Variants in GALNT17 observed in about 807,000 individuals in gnomAD.
GALNT17 encodes the protein UDP-GalNAc:polypeptide N-acetylgalactosaminyltransferase-like 3.
A neutral mutation model predicts 63.7 loss-of-function variants in GALNT17; 29 were observed. That is an observed-to-expected ratio of 0.46 (90% CI 0.34 to 0.62). GALNT17 has a LOEUF of 0.62. Among genes scored for constraint, GALNT17 ranks in the 20% least tolerant of loss-of-function variants. The pLI is 0.01. For synonymous variants in GALNT17, 305 were observed against 318.3 expected, an observed-to-expected ratio of 0.96 and a Z score of 0.45; for missense variants, 603 against 799.6, an observed-to-expected ratio of 0.75 and a Z score of 2.97.
chr7:71,143,720 G>A (rs1192087857), intron 1 of GALNT17, among the ~76,000 whole-genome samples: 1 of 152,022 alleles, frequency 6.6e-6, no homozygotes, highest in Non-Finnish European at 1.5e-5. Flanking sequence ...TATTGCATCT[G>A]GGGATGATTG....
At chr7:71,564,384 T>C (rs1004311362) in intron 5 of GALNT17, among the ~76,000 whole-genome samples, 2 of 150,842 alleles carry the variant, frequency 1.3e-5, no homozygotes, top group African/African-American at 4.9e-5. Flanking sequence ...CCTCCCAGGT[T>C]CAAGTGATTT....
rs191655062 is a variant in GALNT17, at chr7:71,485,563, G to T, written c.962+64458G>T. Among the ~76,000 whole-genome samples, 62 of 152,312 alleles carry T rather than the reference G, an allele frequency of 4.1e-4. No homozygotes were observed. The Middle Eastern group carries it at 0.01, about 25-fold the overall frequency. On this transcript the variant is annotated intron_variant, in intron 5 of 10. Transcript: ENST00000333538. ...TTGACCTGTGGTGCCATCACTGAGAGATCACCTGGCCACCTTTCACCCAGA... is the reference window on the plus strand; with the variant it reads ...TTGACCTGTGGTGCCATCACTGAGATATCACCTGGCCACCTTTCACCCAGA...
At chr7:71,456,326 TGTTA>T (rs1787355612) in intron 5 of GALNT17, among the ~76,000 whole-genome samples, 1 of 152,172 alleles carries the variant, frequency 6.6e-6, no homozygotes, top group African/African-American at 2.4e-5. Flanking sequence ...GTCAGTGAAT[TGTTA>T]GTTCTTTTTT....
chr7:71,520,570 A>G (rs1171592751), intron 5 of GALNT17, among the ~76,000 whole-genome samples: 2 of 152,062 alleles, frequency 1.3e-5, no homozygotes, highest in Non-Finnish European at 2.9e-5. Flanking sequence ...CTGGGCAGAG[A>G]GACCAGCATG....
intron 5 of GALNT17, among the ~76,000 whole-genome samples, chr7:71,517,769 C>T (rs1788467767): frequency 6.6e-6 from 1 of 152,062 alleles, no homozygotes; most frequent in Non-Finnish European, 1.5e-5. Context: ...ACCTTTTTTC[C>T]ATGGCACTTA....
At chr7:71,493,295 G>A (rs1788039941) in intron 5 of GALNT17, among the ~76,000 whole-genome samples, 1 of 152,166 alleles carries the variant, frequency 6.6e-6, no homozygotes, top group South Asian at 2.1e-4. Flanking sequence ...TTATCTGGAT[G>A]TTCTTGACTG....
At chr7:71,284,875 G>T (rs1307589384) in intron 1 of GALNT17, among the ~76,000 whole-genome samples, 2 of 151,250 alleles carry the variant, frequency 1.3e-5, no homozygotes, top group Non-Finnish European at 2.9e-5. Context: ...GTGAAAGGAA[G>T]TTCTGAGCTT....
intron 6 of GALNT17, among the ~76,000 whole-genome samples, chr7:71,637,790 T>A (rs545930079): frequency 6.6e-6 from 1 of 152,240 alleles, no homozygotes; most frequent in Admixed American, 6.5e-5. Flanking sequence ...TCTGGTGAAG[T>A]GAGCAGTGCT....
At chr7:71,248,653 A>G (rs890814983) in intron 1 of GALNT17, among the ~76,000 whole-genome samples, 10 of 152,166 alleles carry the variant, frequency 6.6e-5, no homozygotes, top group African/African-American at 1.9e-4. Context: ...AGCTTTGTCA[A>G]TGAATGGCTT....
intron 6 of GALNT17, among the ~76,000 whole-genome samples, chr7:71,647,480 C>T (rs1424511029): frequency 1.3e-5 from 2 of 152,156 alleles, no homozygotes; most frequent in Non-Finnish European, 2.9e-5. Flanking sequence ...TGAGTGACAG[C>T]TTCTCCTGTC....
chr7:71,174,293 G>A (rs1562885845), intron 1 of GALNT17, among the ~76,000 whole-genome samples: 1 of 152,150 alleles, frequency 6.6e-6, no homozygotes, highest in Non-Finnish European at 1.5e-5. Context: ...AAAGAAGCCG[G>A]GGGGAGTTCC....
intron 3 of GALNT17, among the ~76,000 whole-genome samples, chr7:71,396,874 A>G (rs1472676331): frequency 2.0e-5 from 3 of 152,204 alleles, no homozygotes; most frequent in East Asian, 1.9e-4. Context: ...TTTTAATACT[A>G]TTATAAATTG....
Position 71,166,906 on chromosome 7 carries a change from A to T in GALNT17, c.238+33866A>T, listed in dbSNP as rs1471736005. Among the ~76,000 whole-genome samples the T allele has an allele frequency of 3.3e-5, 5 of 151,984 alleles. 1 individual carries two copies. In the East Asian group the frequency reaches 5.8e-4, roughly 18 times the overall value. ...AAGTGTGTATTTAACTGTTTTTTTT[A>T]AAAGACAAAGTTTTGTTATGTCACT... On this transcript the variant is annotated intron_variant, in intron 1 of 10. Transcript: ENST00000333538.
chr7:71,495,142 G>GTGCTA (rs1228592150), intron 5 of GALNT17, among the ~76,000 whole-genome samples: 2 of 152,102 alleles, frequency 1.3e-5, no homozygotes, highest in Non-Finnish European at 2.9e-5. Context: ...TGGGCATGGT[G>GTGCTA]GTGCACACCT....
At chr7:71,593,898 A>G (rs758840130) in intron 6 of GALNT17, among the ~76,000 whole-genome samples, 1 of 152,108 alleles carries the variant, frequency 6.6e-6, no homozygotes, top group Non-Finnish European at 1.5e-5. Context: ...CTTTTTCTAA[A>G]CTTTCTGGGG....
intron 5 of GALNT17, among the ~76,000 whole-genome samples, chr7:71,552,920 A>C (rs1215057601): frequency 1.3e-5 from 2 of 152,184 alleles, no homozygotes; most frequent in Non-Finnish European, 2.9e-5. Context: ...ACACACCTCA[A>C]GGTAGAAGGA....
intron 2 of GALNT17, among the ~76,000 whole-genome samples, chr7:71,339,317 C>T (rs1583873372): frequency 6.6e-6 from 1 of 152,198 alleles, no homozygotes; most frequent in Non-Finnish European, 1.5e-5. Flanking sequence ...TAGAGATTCA[C>T]ACAGCATGTG....
intron 1 of GALNT17, among the ~76,000 whole-genome samples, chr7:71,235,491 T>C (rs2116455069): frequency 6.6e-6 from 1 of 152,274 alleles, no homozygotes; most frequent in South Asian, 2.1e-4. Flanking sequence ...TGTCCAGTGT[T>C]GCAAGGGGGA....
At chr7:71,182,936 A>G (rs59864463) in intron 1 of GALNT17, among the ~76,000 whole-genome samples, 4,319 of 152,316 alleles carry the variant, frequency 0.028, 209 homozygotes, top group African/African-American at 0.097. Flanking sequence ...TAAAGTTTTC[A>G]GGCTTTGCAA....
Sources: gnomAD v4.1 joint callset for allele counts (sites outside exome capture counted in the v4.1 genomes callset) on GRCh38, gnomAD v4.1.1 for gene constraint, MANE v1.5 for transcripts, NCBI Gene and HGNC (gene_info 2026-07-23, HGNC 2026-07-21) for gene names.